Variants in PRPF39 observed in about 807,000 individuals in gnomAD.
The protein encoded by PRPF39 is pre-mRNA processing factor 39.
In PRPF39, 27 loss-of-function variants were observed where a neutral mutation model predicts 82.1. The observed-to-expected ratio is 0.33, with a 90% CI of 0.24 to 0.45. The LOEUF is 0.45. Ranked by LOEUF, PRPF39 falls within the 20% of genes least tolerant of loss-of-function variation. The probability of loss-of-function intolerance (pLI) is 1.00; values close to 1 mark genes in which losing one functional copy is unlikely to be tolerated. For synonymous variants in PRPF39, 261 were observed against 256.4 expected (o/e 1.02, Z -0.17); for missense variants, 581 against 796.9 (o/e 0.73, Z 3.26).
In PRPF39 at chr14:45,107,582, C is replaced by T; in HGVS notation, c.869C>T (p.Pro290Leu). ...GATGGTCCTCCTGGTGATGATCTAC[C>T]ATCGGGAATTGAAGACATAACCGAT... ...GDDGPPGDDLPSGIEDITDPA... is the reference protein window; with the variant it reads ...GDDGPPGDDLLSGIEDITDPA... Residue 290 changes from proline to leucine, a missense_variant, in exon 6 of 14, where the codon CCA (proline) becomes CTA (leucine). Transcript: ENST00000355765. 1 of 1,552,286 alleles carries T rather than the reference C, an allele frequency of 6.4e-7. No individual in the cohort carries two copies. The highest frequency in any genetic ancestry group is 8.7e-7 in the Non-Finnish European group (1 of 1,147,090).
At chr14:45,089,758 T>C (rs1883962270) in intron 1 of PRPF39, among the ~76,000 whole-genome samples, 1 of 152,202 alleles carries the variant, frequency 6.6e-6, no homozygotes, top group South Asian at 2.1e-4. Context: ...CATTTTATGT[T>C]GCTAGTTGAA....
chr14:45,089,742 C>G (rs758724082), intron 1 of PRPF39, among the ~76,000 whole-genome samples: 1 of 152,102 alleles, frequency 6.6e-6, no homozygotes, highest in Non-Finnish European at 1.5e-5. Flanking sequence ...ATTCTGTACC[C>G]TTTCCCATTT....
rs778607726 is a variant in PRPF39 at position 45,096,262 on chromosome 14, A to G, written c.450+34A>G. ...ATCACTGAATAAACTTATCTCCAAT[A>G]GGTACTGTAAGCCAATTAATAACAA... On this transcript the variant is annotated intron_variant, in intron 3 of 13. Coordinates refer to ENST00000355765, the MANE Select transcript of PRPF39 (RefSeq NM_017922.4). 4 of 1,542,700 alleles carry G rather than the reference A, an allele frequency of 2.6e-6. No homozygotes were observed. The South Asian group carries it at 3.7e-5, about 14-fold the overall frequency.
chr14:45,102,718 T>C, intron 5 of PRPF39, 22 bp downstream of exon 5: 1 of 1,547,998 alleles, frequency 6.5e-7, no homozygotes, highest in Non-Finnish European at 8.8e-7. Flanking sequence ...ATTCTGATCA[T>C]TGAAACATCT....
intron 1 of PRPF39, among the ~76,000 whole-genome samples, chr14:45,086,527 T>C (rs1883833158): frequency 6.6e-6 from 1 of 152,164 alleles, no homozygotes. Flanking sequence ...GGACTTTTAT[T>C]AGTCTGGGGG....
Position 45,116,229 on chromosome 14 carries a change from G to A in PRPF39, c.*1316G>A, listed in dbSNP as rs1465432364. 6.2e-7 allele frequency: 1 copy of A among 1,613,046 alleles called. No individual in the cohort carries two copies. The stretch of plus-strand genomic sequence containing the variant: ...AATATCCACTAATTCCACTTCAAAA[G>A]TGAGTTTTGCATTTGGTGGAATTCT... On this transcript the variant is annotated 3_prime_UTR_variant, in exon 14 of 14. Coordinates refer to ENST00000355765, the MANE Select transcript of PRPF39 (RefSeq NM_017922.4).
chr14:45,107,080 C>T (rs952984681), intron 5 of PRPF39, among the ~76,000 whole-genome samples: 1 of 152,098 alleles, frequency 6.6e-6, no homozygotes, highest in African/African-American at 2.4e-5. Flanking sequence ...AAAATAGATT[C>T]TATGACACAC....
intron 4 of PRPF39, among the ~76,000 whole-genome samples, chr14:45,101,073 A>G (rs533259590): frequency 6.6e-6 from 1 of 152,284 alleles, no homozygotes; most frequent in Non-Finnish European, 1.5e-5. Context: ...TGTACTGTTC[A>G]TCCATTTTTC....
intron 1 of PRPF39, among the ~76,000 whole-genome samples, chr14:45,086,192 C>T (rs940537484): frequency 6.6e-6 from 1 of 152,110 alleles, no homozygotes; most frequent in Non-Finnish European, 1.5e-5. Flanking sequence ...CTGCCTGCCT[C>T]GGCCTCCCAA....
At chr14:45,100,429 G>T (rs1158170645) in intron 4 of PRPF39, among the ~76,000 whole-genome samples, 1 of 152,068 alleles carries the variant, frequency 6.6e-6, no homozygotes, top group African/African-American at 2.4e-5. Context: ...GTTTAGAAAA[G>T]GATAATTTTA....
chr14:45,089,642 G>C (rs1336229440), intron 1 of PRPF39, among the ~76,000 whole-genome samples: 3 of 152,132 alleles, frequency 2.0e-5, no homozygotes, highest in African/African-American at 7.2e-5. Context: ...GGAACTCATG[G>C]GTGATCGGCC....
At chr14:45,088,471 G>GA (rs1259857501) in intron 1 of PRPF39, among the ~76,000 whole-genome samples, 1 of 152,132 alleles carries the variant, frequency 6.6e-6, no homozygotes, top group Non-Finnish European at 1.5e-5. Flanking sequence ...AACAGAATTG[G>GA]AAAAAACAGA....
intron 3 of PRPF39, 103 bp from the exon 4 acceptor site, chr14:45,096,784 T>C: frequency 3.2e-6 from 5 of 1,541,770 alleles, no homozygotes; most frequent in Non-Finnish European, 4.4e-6. Context: ...TTAAACAAAA[T>C]TCCAGTAATT....
chr14:45,110,182 T>C lies in PRPF39; in HGVS notation c.1265T>C (p.Met422Thr), dbSNP rs1222430366. 2 of 1,613,692 alleles carry C rather than the reference T, an allele frequency of 1.2e-6. No homozygotes were observed. The highest frequency in any genetic ancestry group is 1.7e-6 in the Non-Finnish European group (2 of 1,179,664). Residue 422 changes from methionine (M) to threonine (T), a missense_variant, in exon 9 of 14, where the codon ATG becomes ACG. Coordinates refer to ENST00000355765, the MANE Select transcript of PRPF39 (RefSeq NM_017922.4). This position sits in a 1 kb window ranked among gnomAD's most constrained non-coding sequence, Gnocchi z 4.0. The stretch of plus-strand genomic sequence containing the variant: ...ACTATACATCTCCCAAAGAAACCCA[T>C]GGTGCATATGCTTTGGGCAGCTTTT... ...ACTIHLPKKP[M>T]VHMLWAAFEE...
Position 45,110,135 on chromosome 14 carries a change from G to C in PRPF39, c.1218G>C (p.Arg406Ser). The C allele has an allele frequency of 6.2e-7, 1 of 1,613,412 alleles. No homozygotes were observed. The highest frequency in any genetic ancestry group is 8.5e-7 in the Non-Finnish European group (1 of 1,179,496). Residue 406 changes from arginine (R) to serine (S), a missense_variant, in exon 9 of 14, where the codon AGG becomes AGC. Arg to Ser is a moderately radical substitution (Grantham distance 110). Transcript: ENST00000355765. This position sits in a 1 kb window ranked among gnomAD's most constrained non-coding sequence, Gnocchi z 4.0. Reference sequence around the variant, plus strand: ...AAAACCATAGCATTGAAGGAGTGAGGCATGTCTTCAGCAGAGCTTGTACTA... The same window carrying C: ...AAAACCATAGCATTGAAGGAGTGAGCCATGTCTTCAGCAGAGCTTGTACTA... ...YMENHSIEGV[R>S]HVFSRACTIH...
At chr14:45,111,600 G>C (rs987591429) in intron 10 of PRPF39, among the ~76,000 whole-genome samples, 8 of 148,768 alleles carry the variant, frequency 5.4e-5, no homozygotes, top group Admixed American at 5.4e-4. Context: ...CCAAAGTGCT[G>C]GGATTACAGG....
At chr14:45,098,446 C>CA (rs545851843) in intron 4 of PRPF39, among the ~76,000 whole-genome samples, 1,311 of 84,366 alleles carry the variant, frequency 0.016, 12 homozygotes, top group Middle Eastern at 0.038. Context: ...GACCCTGTCT[C>CA]AAAAAAAAAA....
Position 45,116,189 on chromosome 14 carries a change from A to C in PRPF39, c.*1276A>C, listed in dbSNP as rs1251604383. The C allele has an allele frequency of 6.2e-7, 1 of 1,600,454 alleles. No homozygotes were observed. On this transcript the variant is annotated 3_prime_UTR_variant, in exon 14 of 14. Coordinates refer to ENST00000355765, the MANE Select transcript of PRPF39 (RefSeq NM_017922.4). ...TTGCTAATATCCTTAGAGCTGAAGC[A>C]CTGCTATTTCAATCAATATCCACTA... is the stretch of plus-strand genomic sequence containing the variant.
intron 1 of PRPF39, among the ~76,000 whole-genome samples, chr14:45,092,804 GT>G (rs1884079066): frequency 6.6e-6 from 1 of 151,956 alleles, no homozygotes; most frequent in South Asian, 2.1e-4. Flanking sequence ...ATCTATATTA[GT>G]TTTAAACAGC....
Sources: gnomAD v4.1 joint callset for allele counts (sites outside exome capture counted in the v4.1 genomes callset) on GRCh38, gnomAD v4.1.1 for gene constraint, Gnocchi (gnomAD v3.1) non-coding constraint, MANE v1.5 for transcripts, NCBI Gene and HGNC (gene_info 2026-07-23, HGNC 2026-07-21) for gene names.